Variants in DSP observed in about 807,000 individuals in gnomAD.
DSP encodes the protein 250/210 kDa paraneoplastic pemphigus antigen.
A neutral mutation model predicts 290.6 loss-of-function variants in DSP; 114 were observed. The observed-to-expected ratio is 0.39, with a 90% CI of 0.34 to 0.46. DSP has a LOEUF of 0.46. Ranked by LOEUF, DSP falls within the 20% of genes least tolerant of loss-of-function variation. DSP has a pLI of 0.99. For missense variants in DSP, 3,230 were observed against 3,495.8 expected (o/e 0.92, Z 1.92); for synonymous variants, 1,311 against 1,316.4 (o/e 1.00, Z 0.09).
chr6:7,574,791 T>G lies in DSP; in HGVS notation c.2432T>G (p.Leu811Arg), dbSNP rs869025391. The G allele has an allele frequency of 6.2e-7, 1 of 1,614,176 alleles. No individual in the cohort carries two copies. The highest frequency in any genetic ancestry group is 8.5e-7 in the Non-Finnish European group (1 of 1,180,024). ...AAAGTGGAAGCTTACCGCTGTGGAC[T>G]GAAGGTAACTTGAAAGCTTATAACA... ...LDKVEAYRCG[L>R]KKIKNDLNLK... Residue 811 changes from leucine to arginine, a missense_variant, in exon 17 of 24, where the codon CTG becomes CGG. By Grantham distance (102) the Leu-to-Arg change is moderately radical. This residue lies in a region of DSP where 1,714 missense variants were observed against 1,844.5 expected (regional missense o/e 0.93). Coordinates refer to ENST00000379802, the MANE Select transcript of DSP (RefSeq NM_004415.4).
intron 2 of DSP, 107 bp from the exon 3 acceptor site, chr6:7,558,009 T>C: frequency 7.2e-7 from 1 of 1,379,954 alleles, no homozygotes; most frequent in South Asian, 1.2e-5. Context: ...TGGCGAAACT[T>C]ACAGTTTTTG....
chr6:7,566,601 G>A (rs1477650062), intron 8 of DSP, 120 bp downstream of exon 8: 3 of 826,156 alleles, frequency 3.6e-6, no homozygotes, highest in African/African-American at 1.7e-5. Context: ...TTCTATTTTG[G>A]GATCAATACC....
chr6:7,542,226 G>T, intron 1 of DSP, 141 bp downstream of exon 1: 1 of 1,181,618 alleles, frequency 8.5e-7, no homozygotes, highest in South Asian at 1.5e-5. Context: ...TCCCGGCCGC[G>T]CTGGGAGCAG....
chr6:7,546,180 A>G lies in DSP; in HGVS notation c.170+4095A>G, dbSNP rs1043525070. On this transcript the variant is annotated intron_variant, in intron 1 of 23. Transcript: ENST00000379802. ...GAACCAGGGTGAGGGCAGTGGATGG[A>G]AAAGTAGGTATTGCCAAGGTGGAGT... Among the ~76,000 whole-genome samples the G allele has an allele frequency of 3.8e-4, 58 of 152,294 alleles. 2 individuals are homozygous for G. The highest frequency in any genetic ancestry group is 1.4e-3 in the African/African-American group (57 of 41,558).
chr6:7,585,664 G>A lies in DSP; in HGVS notation c.8402G>A (p.Arg2801His), dbSNP rs763712887. The A allele has an allele frequency of 6.2e-6, 10 of 1,614,220 alleles. No individual in the cohort carries two copies. The Admixed American group carries it at 6.7e-5, about 11-fold the overall frequency. ...RSMVEDITGLRLLEAASVSSK... is the reference protein window; with the variant it reads ...RSMVEDITGLHLLEAASVSSK... ...ATGGTAGAAGATATCACTGGGCTGC[G>A]CCTTCTGGAAGCCGCCTCCGTGTCG... is the stretch of plus-strand genomic sequence containing the variant. The change falls in exon 24 of 24, where the codon CGC (arginine) becomes CAC (histidine). Residue 2801 changes from arginine to histidine, a missense_variant. Transcript: ENST00000379802.
At chr6:7,576,482 G>A (rs1338442935) in intron 19 of DSP, 26 bp downstream of exon 19, 1 of 1,613,806 alleles carries the variant, frequency 6.2e-7, no homozygotes, top group Admixed American at 1.7e-5. Flanking sequence ...TTGTTCCATA[G>A]CTGTTTTGAG....
chr6:7,563,034 C>G (rs1169299405), intron 5 of DSP, among the ~76,000 whole-genome samples: 3 of 152,180 alleles, frequency 2.0e-5, no homozygotes, highest in Non-Finnish European at 4.4e-5. Flanking sequence ...GTGAATAAGT[C>G]TCTTTAGGGG....
rs141609593 is a variant in DSP at position 7,564,330 on chromosome 6, AAGAGG to A, written c.777+549_777+553del. Among the ~76,000 whole-genome samples the A allele has an allele frequency of 4.7e-3, 719 of 152,352 alleles. 7 individuals are homozygous for A. The highest frequency in any genetic ancestry group is 0.016 in the African/African-American group (673 of 41,576). ...CAGTCATATCAGTTACTTGATTCAT[AAGAGG>A]AGAGATTTCCATTCTTTTGCCTATT... On this transcript the variant is annotated intron_variant, in intron 6 of 23. Coordinates refer to ENST00000379802, the MANE Select transcript of DSP (RefSeq NM_004415.4).
At chr6:7,571,339 G>A (rs745419208) in intron 13 of DSP, 44 bp from the exon 14 acceptor site, 32 of 1,609,444 alleles carry the variant, frequency 2.0e-5, no homozygotes, top group Non-Finnish European at 2.6e-5. Flanking sequence ...TTGCATTGTG[G>A]GGCAGTCATA....
At chr6:7,562,875 A>G in intron 5 of DSP, 95 bp downstream of exon 5, 1 of 1,561,574 alleles carries the variant, frequency 6.4e-7, no homozygotes, top group South Asian at 1.1e-5. Flanking sequence ...AAACATTGCT[A>G]TTATTTCTTT....
Position 7,582,978 on chromosome 6 carries a change from A to T in DSP, c.5716A>T (p.Ile1906Phe). ...TGAGATCGAAAGACTCCAAGCAGAG[A>T]TCAAGAGAATTGAAGAGAGGTGCAG... ...RSEIERLQAE[I>F]KRIEERCRRK... The change falls in exon 24 of 24, where the codon ATC (isoleucine) becomes TTC (phenylalanine). Residue 1906 changes from isoleucine (I) to phenylalanine (F), a missense_variant. Transcript: ENST00000379802. This position sits in a 1 kb window ranked among gnomAD's most constrained non-coding sequence, Gnocchi z 4.2. 6.2e-7 allele frequency: 1 copy of T among 1,614,086 alleles called. No homozygotes were observed. Among genetic ancestry groups the T allele is most frequent in the South Asian group, 1.1e-5 (1 of 91,078 alleles).
At position 7,580,562 on chromosome 6, in the gene DSP, C is replaced by T. The variant is rs28763965; in HGVS notation, c.4372C>T (p.Arg1458Ter). 3 of 1,613,988 alleles carry T rather than the reference C, an allele frequency of 1.9e-6. No homozygotes were observed. The highest frequency in any genetic ancestry group is 3.3e-5 in the Admixed American group (2 of 59,996). The change falls in exon 23 of 24, where the codon CGA becomes TGA. Residue 1458 changes from arginine to a stop codon, truncating the protein, a stop_gained. Coordinates refer to ENST00000379802, the MANE Select transcript of DSP (RefSeq NM_004415.4). LOFTEE classifies it high-confidence loss of function. The surrounding 1 kb of genome is among the most constrained non-coding windows in gnomAD (Gnocchi z 4.2). Reference sequence around the variant, plus strand: ...TGAGCTGAGACAAGTCACTCAGATGCGAACAGAGGAGAGCGTAAGATATAA... The same window carrying T: ...TGAGCTGAGACAAGTCACTCAGATGTGAACAGAGGAGAGCGTAAGATATAA... ...EVELRQVTQM[R>*]TEESVRYKQS...
Position 7,565,930 on chromosome 6 carries a change from A to G in DSP, c.939+410A>G. ...AACCTGTACAACAAATCCCTGTGAT[A>G]CAAGTTTACCTGTGTAACAAACCTG... On this transcript the variant is annotated intron_variant, in intron 7 of 23. Transcript: ENST00000379802. This position sits in a 1 kb window ranked among gnomAD's most constrained non-coding sequence, Gnocchi z 4.2. The G allele has an allele frequency of 3.0e-6, 1 of 335,368 alleles. No homozygotes were observed. Among genetic ancestry groups the G allele is most frequent in the South Asian group, 2.8e-5 (1 of 35,808 alleles). 20.8% of individuals were successfully genotyped at this position (335,368 alleles called of 1,614,324 possible).
In DSP at chr6:7,545,597, C is replaced by G. The variant is rs147705882; in HGVS notation, c.170+3512C>G. Among the ~76,000 whole-genome samples, 39 of 152,268 alleles carry G rather than the reference C, an allele frequency of 2.6e-4. 1 individual carries two copies. Among genetic ancestry groups the G allele is most frequent in the African/African-American group, 8.9e-4 (37 of 41,534 alleles). ...TTCTGTGTTAAGTGTCAGGGGAGAT[C>G]AAGGTGGAAATCTATAGCCTTGAAA... On this transcript the variant is annotated intron_variant, in intron 1 of 23. Coordinates refer to ENST00000379802, the MANE Select transcript of DSP (RefSeq NM_004415.4).
intron 1 of DSP, among the ~76,000 whole-genome samples, chr6:7,543,659 A>G (rs1011758902): frequency 2.0e-5 from 3 of 152,150 alleles, no homozygotes; most frequent in African/African-American, 4.8e-5. Flanking sequence ...TCCAAGTCAG[A>G]ATAGAATGCG....
rs1759590906 is a variant in DSP at position 7,584,998 on chromosome 6, A to T, written c.7736A>T (p.Asp2579Val). The T allele has an allele frequency of 6.2e-7, 1 of 1,614,186 alleles. No individual in the cohort carries two copies. The highest frequency in any genetic ancestry group is 1.3e-5 in the African/African-American group (1 of 75,034). ...TSSSMGSGVS[D>V]DVFSSSRHES... ...AGCAGCATGGGCAGTGGTGTCAGCG[A>T]TGATGTTTTTAGCAGCTCCCGACAT... is the stretch of plus-strand genomic sequence containing the variant. The change falls in exon 24 of 24, where the codon GAT (aspartate) becomes GTT (valine). Residue 2579 changes from aspartate to valine, a missense_variant. Around this residue, in one of 5 missense-constraint regions of DSP, gnomAD observed 582 missense variants for 555.4 expected, o/e 1.05. Transcript: ENST00000379802. This position sits in a 1 kb window ranked among gnomAD's most constrained non-coding sequence, Gnocchi z 6.4.
At position 7,582,937 on chromosome 6, in the gene DSP, A is replaced by C; in HGVS notation, c.5675A>C (p.Lys1892Thr). 1 of 1,614,134 alleles carries C rather than the reference A, an allele frequency of 6.2e-7. No homozygotes were observed. Among genetic ancestry groups the C allele is most frequent in the Non-Finnish European group, 8.5e-7 (1 of 1,180,022 alleles). The part of the protein sequence containing the change: ...ESEREKSERE[K>T]NSLRSEIERL... ...GAAAGAGAAAAGAGTGAGAGAGAGA[A>C]GAACAGTCTTAGGAGTGAGATCGAA... The change falls in exon 24 of 24, where the codon AAG (lysine) becomes ACG (threonine). Residue 1892 changes from lysine (K) to threonine (T), a missense_variant. This residue lies in a region of DSP where 1,714 missense variants were observed against 1,844.5 expected (regional missense o/e 0.93). Transcript: ENST00000379802. The surrounding 1 kb of genome is among the most constrained non-coding windows in gnomAD (Gnocchi z 4.2).
At chr6:7,561,573 C>G (rs766203409) in intron 4 of DSP, among the ~76,000 whole-genome samples, 1 of 152,142 alleles carries the variant, frequency 6.6e-6, no homozygotes, top group Non-Finnish European at 1.5e-5. Flanking sequence ...TACGATACAC[C>G]TGGCTGGTAA....
Position 7,579,933 on chromosome 6 carries a change from A to C in DSP, c.3743A>C (p.Asp1248Ala), listed in dbSNP as rs1276847644. 2 of 1,614,194 alleles carry C rather than the reference A, an allele frequency of 1.2e-6. No homozygotes were observed. Among genetic ancestry groups the C allele is most frequent in the African/African-American group, 2.7e-5 (2 of 75,064 alleles). The change falls in exon 23 of 24, where the codon GAT becomes GCT. Residue 1248 changes from aspartate to alanine, a missense_variant. Transcript: ENST00000379802. The surrounding 1 kb of genome is among the most constrained non-coding windows in gnomAD (Gnocchi z 4.1). The stretch of plus-strand genomic sequence containing the variant: ...GATAGACTTTCAAGGGAAAATCGAG[A>C]TCTGAAGGATGAAATTGTCAGGCTC... The part of the protein sequence containing the change: ...QLDRLSRENR[D>A]LKDEIVRLND...
Sources: allele counts gnomAD v4.1 joint callset (sites outside exome capture counted in the v4.1 genomes callset), GRCh38; gene constraint gnomAD v4.1.1; regional missense constraint gnomAD v4.1.1; non-coding constraint Gnocchi (gnomAD v3.1); transcripts MANE v1.5; gene names NCBI Gene and HGNC (gene_info 2026-07-23, HGNC 2026-07-21).